GLIS3: variants seen among roughly 807,000 people sequenced by gnomAD.
The protein encoded by GLIS3 is GLIS family zinc finger 3, also known as zinc finger protein GLIS3.
In GLIS3, 53 loss-of-function variants were observed where a neutral mutation model predicts 78.6. The ratio of observed to expected loss-of-function variants is 0.67; its 90% CI spans 0.54 to 0.85. The LOEUF (loss-of-function observed/expected upper bound fraction) is 0.85, where lower values mean the gene tolerates loss of function less well. Ranked by LOEUF, GLIS3 falls within the 40% of genes least tolerant of loss-of-function variation. The pLI is 0.00. For synonymous variants in GLIS3, 684 were observed against 509.9 expected (o/e 1.34, Z -4.60); for missense variants, 1,703 against 1,231.1 (o/e 1.38, Z -5.74).
At chr9:4,483,688 T>C in the GLIS3 span, among the ~76,000 whole-genome samples, 3 of 148,112 alleles carry the variant, frequency 2.0e-5, no homozygotes, top group Admixed American at 1.4e-4. Context: ...CCACTGCGCT[T>C]CAGCCTGGGC....
intron 2 of GLIS3, among the ~76,000 whole-genome samples, chr9:4,237,354 C>G (rs763067312): frequency 1.3e-5 from 2 of 151,996 alleles, no homozygotes; most frequent in African/African-American, 2.4e-5. Flanking sequence ...CCACTCATGG[C>G]AACTTTACAT....
At chr9:3,852,606 C>A (rs1259820264) in intron 9 of GLIS3, among the ~76,000 whole-genome samples, 1 of 152,174 alleles carries the variant, frequency 6.6e-6, no homozygotes, top group Non-Finnish European at 1.5e-5. Context: ...TAAATTTTGT[C>A]CTTACCCTGA....
intron 2 of GLIS3, among the ~76,000 whole-genome samples, chr9:4,284,508 T>G (rs918613326): frequency 2.6e-5 from 4 of 152,066 alleles, no homozygotes; most frequent in African/African-American, 9.7e-5. Flanking sequence ...CTATTTTGGA[T>G]GTAGCCCCAG....
At chr9:4,416,259 A>ATT in the GLIS3 span, among the ~76,000 whole-genome samples, 29 of 146,658 alleles carry the variant, frequency 2.0e-4, no homozygotes, top group African/African-American at 7.2e-4. Flanking sequence ...TTTTAAAAAA[A>ATT]AAAAAAAAAA....
intron 2 of GLIS3, among the ~76,000 whole-genome samples, chr9:4,150,646 A>C (rs944475769): frequency 4.6e-5 from 7 of 152,232 alleles, no homozygotes; most frequent in African/African-American, 1.7e-4. Context: ...AAACAATTTC[A>C]AGGGTTTCCC....
intron 2 of GLIS3, among the ~76,000 whole-genome samples, chr9:4,345,466 G>A (rs371511454): frequency 2.0e-5 from 3 of 152,250 alleles, no homozygotes; most frequent in African/African-American, 4.8e-5. Context: ...AGTTCATGAG[G>A]TCATTTTTAC....
At chr9:4,146,288 T>G (rs987986145) in intron 2 of GLIS3, among the ~76,000 whole-genome samples, 1 of 152,226 alleles carries the variant, frequency 6.6e-6, no homozygotes, top group East Asian at 1.9e-4. Flanking sequence ...TTTGAAACCG[T>G]TGAATATCTA....
rs138594461 is a variant in GLIS3, at chr9:4,002,863, G to A, written c.1711-65674C>T. ...CTGTCTTCCTGCTTTAAATATGAGC[G>A]TGATGGTTAGAACTGCAATAGCTGT... On this transcript the variant is annotated intron_variant, in intron 4 of 10. Transcript: ENST00000381971. 5.9e-5 allele frequency among the ~76,000 whole-genome samples: 9 copies of A among 152,254 alleles called. No homozygotes were observed. In the East Asian group the frequency reaches 7.7e-4, roughly 13 times the overall value.
At chr9:4,410,406 T>C in the GLIS3 span, among the ~76,000 whole-genome samples, 5 of 152,172 alleles carry the variant, frequency 3.3e-5, no homozygotes, top group Non-Finnish European at 7.3e-5. Context: ...GTTACAGTTG[T>C]AGGCCAAAAA....
At chr9:4,370,423 G>C in the GLIS3 span, among the ~76,000 whole-genome samples, 36 of 151,856 alleles carry the variant, frequency 2.4e-4, no homozygotes, top group African/African-American at 8.5e-4. Context: ...TTGGGTTCTC[G>C]TTAGATTTTC....
At chr9:4,121,391 C>G (rs1181932898) in intron 3 of GLIS3, among the ~76,000 whole-genome samples, 1 of 152,080 alleles carries the variant, frequency 6.6e-6, no homozygotes, top group Non-Finnish European at 1.5e-5. Flanking sequence ...TTTATCTTCC[C>G]AGTGCCTGCC....
the GLIS3 span, among the ~76,000 whole-genome samples, chr9:4,393,605 C>A: frequency 1.8e-4 from 28 of 152,096 alleles, no homozygotes; most frequent in Non-Finnish European, 3.8e-4. Flanking sequence ...CTTTCTGTTT[C>A]TGACCTTGAT....
intron 6 of GLIS3, among the ~76,000 whole-genome samples, chr9:3,923,242 C>T (rs1397494012): frequency 1.3e-5 from 2 of 152,220 alleles, no homozygotes; most frequent in Non-Finnish European, 2.9e-5. Flanking sequence ...GATCTGACCA[C>T]TGTATATGTT....
At chr9:3,904,198 G>A (rs892827684) in intron 6 of GLIS3, among the ~76,000 whole-genome samples, 1 of 152,168 alleles carries the variant, frequency 6.6e-6, no homozygotes, top group African/African-American at 2.4e-5. Context: ...TGTGACTGCT[G>A]TACTGTGGAA....
chr9:3,886,135 G>A (rs1318322536), intron 7 of GLIS3, among the ~76,000 whole-genome samples: 1 of 152,142 alleles, frequency 6.6e-6, no homozygotes, highest in Admixed American at 6.6e-5. Flanking sequence ...GGTACATGTT[G>A]CTCCCAAATG....
At chr9:4,222,990 A>G (rs1821461066) in intron 2 of GLIS3, among the ~76,000 whole-genome samples, 1 of 152,140 alleles carries the variant, frequency 6.6e-6, no homozygotes, top group Non-Finnish European at 1.5e-5. Flanking sequence ...TTAGGGAATT[A>G]GGGAACAAAC....
chr9:3,874,946 GT>G (rs1294300355), intron 8 of GLIS3, among the ~76,000 whole-genome samples: 1 of 152,100 alleles, frequency 6.6e-6, no homozygotes, highest in African/African-American at 2.4e-5. Flanking sequence ...AAAGCGCACT[GT>G]TTGTGGCCTT....
intron 2 of GLIS3, among the ~76,000 whole-genome samples, chr9:4,245,887 T>C (rs1184531269): frequency 6.6e-6 from 1 of 152,198 alleles, no homozygotes. Context: ...CAAGTTTTGC[T>C]GGTCTTTCAT....
intron 7 of GLIS3, among the ~76,000 whole-genome samples, chr9:3,885,211 G>C (rs576736939): frequency 6.6e-6 from 1 of 152,316 alleles, no homozygotes; most frequent in East Asian, 1.9e-4. Context: ...CCACTGCTAG[G>C]AAAAGAAGGA....
Sources: allele counts gnomAD v4.1 joint callset (sites outside exome capture counted in the v4.1 genomes callset), GRCh38; gene constraint gnomAD v4.1.1; transcripts MANE v1.5; gene names NCBI Gene and HGNC (gene_info 2026-07-23, HGNC 2026-07-21).